Variants in ACSM3 observed in about 807,000 individuals in gnomAD.
The protein encoded by ACSM3 is acyl-coenzyme A synthetase ACSM3, mitochondrial.
In ACSM3, 61 loss-of-function variants were observed where a neutral mutation model predicts 74.1. That is an observed-to-expected ratio of 0.82 (90% CI 0.67 to 1.02). ACSM3 has a LOEUF of 1.02. ACSM3 is among the 50% of genes least tolerant of loss of function. The pLI is 0.00. For synonymous variants in ACSM3, 213 were observed against 241.5 expected (o/e 0.88, Z 1.09); for missense variants, 660 against 697.0 (o/e 0.95, Z 0.60).
At chr16:20,769,931 A>T in intron 1 of ACSM3, 53 bp from the exon 2 acceptor site, 1 of 1,135,888 alleles carries the variant, frequency 8.8e-7, no homozygotes, top group Non-Finnish European at 1.3e-6. Context: ...ACTTTGGGGT[A>T]TGGCTACCTT....
intron 1 of ACSM3, chr16:20,741,411 C>T: frequency 3.6e-6 from 5 of 1,408,370 alleles, no homozygotes; most frequent in Middle Eastern, 2.6e-4. Context: ...CGCCGACGAC[C>T]CGAGGCGCGC....
At chr16:20,682,416 G>A (rs200443428) in intron 1 of ACSM3, 192 of 1,613,842 alleles carry the variant, frequency 1.2e-4, no homozygotes, top group Non-Finnish European at 1.5e-4. Context: ...AGTCGATAGA[G>A]AATGTCTTTG....
intron 1 of ACSM3, among the ~76,000 whole-genome samples, chr16:20,720,133 TG>T (rs2079780286): frequency 6.6e-6 from 1 of 152,232 alleles, no homozygotes; most frequent in Non-Finnish European, 1.5e-5. Context: ...ACTGGTTTCA[TG>T]GAAGACCATT....
At chr16:20,724,921 A>G (rs2152398636) in intron 1 of ACSM3, among the ~76,000 whole-genome samples, 1 of 152,370 alleles carries the variant, frequency 6.6e-6, no homozygotes, top group East Asian at 1.9e-4. Context: ...GCTCATGGGT[A>G]GGAAGAAACA....
intron 1 of ACSM3, among the ~76,000 whole-genome samples, chr16:20,701,525 C>T (rs1056470532): frequency 6.6e-6 from 1 of 152,124 alleles, no homozygotes; most frequent in African/African-American, 2.4e-5. Flanking sequence ...AAACTGGAAT[C>T]TTTTTAAAAA....
At chr16:20,729,476 G>A in intron 1 of ACSM3, 1 of 660,302 alleles carries the variant, frequency 1.5e-6, no homozygotes, top group African/African-American at 1.8e-5. Flanking sequence ...GCCATTTGAA[G>A]TGGAGAGTGT....
At position 20,789,612 on chromosome 16, in the gene ACSM3, A is replaced by T. The variant is rs1450675853; in HGVS notation, c.1225-975A>T. ...GATATTTATTTATCAAGAGGAAAAGATAATCAAGACCTATTGCTAAATGAT... is the reference window on the plus strand; with the variant it reads ...GATATTTATTTATCAAGAGGAAAAGTTAATCAAGACCTATTGCTAAATGAT... On this transcript the variant is annotated intron_variant, in intron 9 of 13. Coordinates refer to ENST00000289416, the MANE Select transcript of ACSM3 (RefSeq NM_005622.4). The T allele has an allele frequency of 3.2e-6, 4 of 1,247,260 alleles. No individual in the cohort carries two copies. The African/African-American group carries it at 5.9e-5, about 18-fold the overall frequency. 77.3% of individuals were successfully genotyped at this position (1,247,260 alleles called of 1,614,324 possible).
chr16:20,746,680 C>T (rs1015433504), intron 1 of ACSM3, among the ~76,000 whole-genome samples: 4 of 152,180 alleles, frequency 2.6e-5, no homozygotes, highest in African/African-American at 7.2e-5. Flanking sequence ...ACAGCCTGAT[C>T]ACCCAGGCTG....
chr16:20,797,400 G>A lies in ACSM3; in HGVS notation c.*428G>A, dbSNP rs939294698. On this transcript the variant is annotated 3_prime_UTR_variant, in exon 14 of 14. Coordinates refer to ENST00000289416, the MANE Select transcript of ACSM3 (RefSeq NM_005622.4). ...GAAAAATATAAAATATCAGTTAGAA[G>A]ATTATGATAATCTCAAAGTACAAGA... 1.1e-5 allele frequency: 11 copies of A among 994,228 alleles called. No individual in the cohort carries two copies. Among genetic ancestry groups the A allele is most frequent in the Non-Finnish European group, 1.3e-5 (11 of 830,352 alleles). The allele number at this position is 994,228 out of a possible 1,614,324, so 61.6% of individuals were successfully genotyped here.
At chr16:20,680,777 C>T (rs774952151) in intron 1 of ACSM3, 1 of 152,248 alleles carries the variant, frequency 6.6e-6, no homozygotes, top group Non-Finnish European at 1.5e-5. Context: ...CTAAGCCACA[C>T]TTGGCATCAA....
At chr16:20,735,202 G>A (rs1357653461) in intron 1 of ACSM3, 1 of 152,160 alleles carries the variant, frequency 6.6e-6, no homozygotes, top group African/African-American at 2.4e-5. Context: ...ACTTTCTGTA[G>A]TCATTTTTCA....
intron 1 of ACSM3, chr16:20,681,846 T>A (rs146187056): frequency 1.3e-5 from 2 of 155,928 alleles, no homozygotes; most frequent in African/African-American, 4.8e-5. Flanking sequence ...TGCCTGTTTT[T>A]CCGTCTGTAG....
At chr16:20,693,438 T>G (rs1225072911) in intron 1 of ACSM3, among the ~76,000 whole-genome samples, 4 of 152,220 alleles carry the variant, frequency 2.6e-5, no homozygotes, top group Non-Finnish European at 5.9e-5. Flanking sequence ...TTTCTTTCCA[T>G]GTAAATGTTG....
chr16:20,717,944 GGAAGAGGAAGAGGAAGAAGAAGAA>G (rs2079769016), intron 1 of ACSM3, among the ~76,000 whole-genome samples: 1 of 69,060 alleles, frequency 1.4e-5, no homozygotes, highest in South Asian at 4.4e-4. Flanking sequence ...AAGGAGAAGA[GGAAGAGGAAGAGGAAGAAGAAGAA>G]GAAGAAGAAG....
At chr16:20,691,108 C>T (rs376647841) in intron 1 of ACSM3, 1 of 1,613,622 alleles carries the variant, frequency 6.2e-7, no homozygotes, top group African/African-American at 1.3e-5. Flanking sequence ...ACCGGCAGCG[C>T]AGCTGTGAAG....
At chr16:20,782,004 G>A (rs1034884592) in intron 7 of ACSM3, among the ~76,000 whole-genome samples, 1 of 152,186 alleles carries the variant, frequency 6.6e-6, no homozygotes, top group African/African-American at 2.4e-5. Context: ...TGAGGGTTCA[G>A]CTATGTTTAT....
At chr16:20,732,036 G>A (rs1339212170) in intron 1 of ACSM3, among the ~76,000 whole-genome samples, 2 of 152,114 alleles carry the variant, frequency 1.3e-5, no homozygotes, top group Non-Finnish European at 2.9e-5. Flanking sequence ...CTTGTTTTTA[G>A]GGACAGCACT....
At chr16:20,739,136 T>C in intron 1 of ACSM3, 1 of 1,514,214 alleles carries the variant, frequency 6.6e-7, no homozygotes, top group South Asian at 1.2e-5. Flanking sequence ...TATAAGTAAT[T>C]ATTTATGTGA....
chr16:20,773,252 G>T (rs2080215380), intron 2 of ACSM3, among the ~76,000 whole-genome samples: 1 of 151,722 alleles, frequency 6.6e-6, no homozygotes, highest in Non-Finnish European at 1.5e-5. Context: ...ATTTATTTGG[G>T]TCTTCTCTTT....
Sources: gnomAD v4.1 joint callset for allele counts (sites outside exome capture counted in the v4.1 genomes callset) on GRCh38, gnomAD v4.1.1 for gene constraint, MANE v1.5 for transcripts, NCBI Gene and HGNC (gene_info 2026-07-23, HGNC 2026-07-21) for gene names.